PAPSS1: variants seen among roughly 807,000 people sequenced by gnomAD.
PAPSS1 encodes bifunctional 3'-phosphoadenosine 5'-phosphosulfate synthase 1.
A neutral mutation model predicts 72.0 loss-of-function variants in PAPSS1; 50 were observed. That is an observed-to-expected ratio of 0.69 (90% CI 0.55 to 0.88). The LOEUF (loss-of-function observed/expected upper bound fraction) is 0.88. Among genes scored for constraint, PAPSS1 ranks in the 40% least tolerant of loss-of-function variants. The pLI, the probability that PAPSS1 is intolerant of heterozygous loss-of-function variation, is 0.00. For missense variants in PAPSS1, 657 were observed against 782.2 expected, an observed-to-expected ratio of 0.84 and a Z score of 1.91; for synonymous variants, 261 against 263.6, an observed-to-expected ratio of 0.99 and a Z score of 0.09.
chr4:107,700,604 T>G (rs1011687176), intron 2 of PAPSS1, among the ~76,000 whole-genome samples: 1 of 152,122 alleles, frequency 6.6e-6, no homozygotes, highest in Non-Finnish European at 1.5e-5. Flanking sequence ...CTAACGGAGG[T>G]GTTTAAGTCA....
chr4:107,703,500 C>A (rs1157145721), intron 1 of PAPSS1, among the ~76,000 whole-genome samples: 1 of 151,102 alleles, frequency 6.6e-6, no homozygotes, highest in African/African-American at 2.4e-5. Flanking sequence ...TCTGATCTTA[C>A]ATGTAAATTT....
At chr4:107,639,579 G>T (rs1011796463) in intron 10 of PAPSS1, among the ~76,000 whole-genome samples, 4 of 152,146 alleles carry the variant, frequency 2.6e-5, no homozygotes, top group Non-Finnish European at 4.4e-5. Context: ...AAGGATTTTG[G>T]AAAAGAGACT....
chr4:107,677,034 T>A (rs1727670301), intron 5 of PAPSS1, among the ~76,000 whole-genome samples: 2 of 152,082 alleles, frequency 1.3e-5, no homozygotes, highest in Admixed American at 6.5e-5. Context: ...AAAAATTAAT[T>A]CAAGATGGAT....
intron 1 of PAPSS1, 189 bp downstream of exon 1, chr4:107,719,931 C>A (rs1723735724): frequency 7.2e-7 from 1 of 1,380,904 alleles, no homozygotes; most frequent in Admixed American, 3.6e-5. Context: ...GAGATCCCCA[C>A]CCTGCGCCGC....
chr4:107,680,206 C>A (rs1490570060), intron 5 of PAPSS1, among the ~76,000 whole-genome samples: 2 of 151,768 alleles, frequency 1.3e-5, no homozygotes, highest in Non-Finnish European at 2.9e-5. Context: ...TCTACCCAAG[C>A]AGGTTGGGGA....
At position 107,667,924 on chromosome 4, in the gene PAPSS1, G is replaced by A. The variant is rs117388855; in HGVS notation, c.670-7852C>T. 3.9e-5 allele frequency among the ~76,000 whole-genome samples: 6 copies of A among 152,256 alleles called. No individual in the cohort carries two copies. In the East Asian group the frequency reaches 1.2e-3, roughly 29 times the overall value. ...AAACATTCTTTCCAACCCAGATAGT[G>A]TTGTCTTTGATCTGCTCAAGTATTT... On this transcript the variant is annotated intron_variant, in intron 5 of 11. Coordinates refer to ENST00000265174, the MANE Select transcript of PAPSS1 (RefSeq NM_005443.5).
intron 4 of PAPSS1, 63 bp downstream of exon 4, chr4:107,686,976 A>G (rs1008324000): frequency 1.2e-5 from 17 of 1,431,128 alleles, no homozygotes; most frequent in South Asian, 1.1e-4. Flanking sequence ...GAAAATATCA[A>G]TCCTAGATAT....
At chr4:107,686,056 G>C (rs1722775577) in intron 4 of PAPSS1, among the ~76,000 whole-genome samples, 1 of 152,170 alleles carries the variant, frequency 6.6e-6, no homozygotes, top group Non-Finnish European at 1.5e-5. Flanking sequence ...TAATGGAACA[G>C]GACAAGTCAA....
rs1184361011 is a variant in PAPSS1 at position 107,626,661 on chromosome 4, A to G, written c.1736+4970T>C. Among the ~76,000 whole-genome samples, 3 of 152,202 alleles carry G rather than the reference A, an allele frequency of 2.0e-5. No individual in the cohort carries two copies. The East Asian group carries it at 5.8e-4, about 29-fold the overall frequency. ...AAGCATTGTCTTACATTGGTATTTA[A>G]TCAAATAAAAAACAAAACAAATTCA... On this transcript the variant is annotated intron_variant, in intron 11 of 11. Coordinates refer to ENST00000265174, the MANE Select transcript of PAPSS1 (RefSeq NM_005443.5).
At chr4:107,631,526 A>T in intron 11 of PAPSS1, 105 bp downstream of exon 11, 1 of 724,916 alleles carries the variant, frequency 1.4e-6, no homozygotes, top group Non-Finnish European at 2.3e-6. Flanking sequence ...TGACATGAGT[A>T]CCACAAAACC....
At chr4:107,693,736 G>GT (rs772252762) in intron 3 of PAPSS1, 35 bp downstream of exon 3, 2 of 1,434,450 alleles carry the variant, frequency 1.4e-6, no homozygotes, top group Non-Finnish European at 9.8e-7. Context: ...CTCAATAAAT[G>GT]TAAGCAGAAA....
intron 11 of PAPSS1, among the ~76,000 whole-genome samples, chr4:107,623,091 C>T (rs769698031): frequency 7.2e-5 from 11 of 152,194 alleles, no homozygotes; most frequent in Non-Finnish European, 1.3e-4. Flanking sequence ...TACATGCCTA[C>T]ACACTGACCT....
At chr4:107,714,203 T>C (rs1723577973) in intron 1 of PAPSS1, among the ~76,000 whole-genome samples, 1 of 152,208 alleles carries the variant, frequency 6.6e-6, no homozygotes. Context: ...GTTAAATCGT[T>C]TTAGTCAGAA....
intron 8 of PAPSS1, 27 bp downstream of exon 8, chr4:107,654,668 T>C (rs764401462): frequency 1.3e-6 from 2 of 1,575,682 alleles, no homozygotes. Context: ...CAAATCAAGA[T>C]AAAATGCAGC....
chr4:107,711,598 C>G (rs1578439461), intron 1 of PAPSS1, among the ~76,000 whole-genome samples: 1 of 152,210 alleles, frequency 6.6e-6, no homozygotes, highest in East Asian at 1.9e-4. Flanking sequence ...ATCACCCACC[C>G]TAAACTGATA....
intron 5 of PAPSS1, among the ~76,000 whole-genome samples, chr4:107,671,784 C>T (rs1373255755): frequency 2.6e-5 from 4 of 152,070 alleles, no homozygotes; most frequent in African/African-American, 9.7e-5. Flanking sequence ...ACATATAATA[C>T]CTAATACAAT....
At chr4:107,680,227 G>GT (rs1192517187) in intron 5 of PAPSS1, among the ~76,000 whole-genome samples, 1 of 151,606 alleles carries the variant, frequency 6.6e-6, no homozygotes, top group African/African-American at 2.4e-5. Context: ...ATTCTAAACA[G>GT]TAAGAAAAAA....
intron 9 of PAPSS1, 36 bp from the exon 10 acceptor site, chr4:107,645,106 T>C: frequency 7.1e-7 from 1 of 1,418,312 alleles, no homozygotes; most frequent in South Asian, 1.7e-5. Context: ...GAATAGCATG[T>C]TTCTAACAGA....
chr4:107,686,903 T>C, intron 4 of PAPSS1, 136 bp downstream of exon 4: 1 of 800,662 alleles, frequency 1.2e-6, no homozygotes, highest in Non-Finnish European at 2.0e-6. Context: ...GATAGAACAG[T>C]GTAATAAGAC....
Sources: gnomAD v4.1 joint callset for allele counts (sites outside exome capture counted in the v4.1 genomes callset) on GRCh38, gnomAD v4.1.1 for gene constraint, MANE v1.5 for transcripts, NCBI Gene and HGNC (gene_info 2026-07-23, HGNC 2026-07-21) for gene names.